BRWD3: variants seen among roughly 807,000 people sequenced by gnomAD.
BRWD3 encodes bromodomain and WD repeat-containing protein 3.
BRWD3 carries 10 observed loss-of-function variants against 149.7 expected under a neutral mutation model. The observed-to-expected ratio is 0.07, with a 90% CI of 0.04 to 0.11. The LOEUF is 0.11. BRWD3 is among the 10% of genes least tolerant of loss of function. The probability of loss-of-function intolerance (pLI) is 1.00; values close to 1 mark genes in which losing one functional copy is unlikely to be tolerated. For synonymous variants in BRWD3, 504 were observed against 456.7 expected (o/e 1.10, Z -1.32); for missense variants, 940 against 1,373.2 (o/e 0.68, Z 4.99).
rs538944749 is a variant in BRWD3, at chrX:80,757,075, G to A, written c.431-11346C>T. 4.5e-4 allele frequency among the ~76,000 whole-genome samples: 50 copies of A among 111,655 alleles called. 1 individual carries two copies. The South Asian group carries it at 0.018, about 40-fold the overall frequency. ...CCTAGCCTGATGTATTCACTATAAT[G>A]GCATCATTACATTCTCACTGTTAAA... On this transcript the variant is annotated intron_variant, in intron 6 of 40. Transcript: ENST00000373275.
At chrX:80,771,745 A>T (rs1053340084) in intron 6 of BRWD3, among the ~76,000 whole-genome samples, 6 of 111,962 alleles carry the variant, frequency 5.4e-5, no homozygotes, top group African/African-American at 9.7e-5. Flanking sequence ...ATCCAGAATC[A>T]ACAAAGAACT....
intron 6 of BRWD3, among the ~76,000 whole-genome samples, chrX:80,758,914 G>C (rs774763415): frequency 8.9e-6 from 1 of 112,047 alleles, no homozygotes; most frequent in African/African-American, 3.2e-5. Context: ...ACTCACAGCT[G>C]TAATTTATAG....
At chrX:80,795,555 G>A (rs2074230386) in intron 4 of BRWD3, among the ~76,000 whole-genome samples, 1 of 108,261 alleles carries the variant, frequency 9.2e-6, no homozygotes, top group Non-Finnish European at 1.9e-5. Context: ...CATTGAATAG[G>A]ACACACATCA....
intron 6 of BRWD3, among the ~76,000 whole-genome samples, chrX:80,750,238 T>C (rs1271786947): frequency 9.0e-6 from 1 of 110,867 alleles, no homozygotes. Flanking sequence ...AATAGACAAA[T>C]GGGATAGTAT....
Position 80,690,125 on chromosome X carries a change from C to T in BRWD3, c.3603-33G>A, listed in dbSNP as rs768864680. The T allele has an allele frequency of 5.1e-6, 6 of 1,182,597 alleles. No individual in the cohort carries two copies. In the Admixed American group the frequency reaches 1.3e-4, roughly 26 times the overall value. On this transcript the variant is annotated intron_variant, in intron 31 of 40. Coordinates refer to ENST00000373275, the MANE Select transcript of BRWD3 (RefSeq NM_153252.5). ...AGAAAAAATACTCTGTTAGCCTTGG[C>T]TAATATATTTAAAGTATATTTTAGG... is the stretch of plus-strand genomic sequence containing the variant.
chrX:80,779,598 C>T (rs767274392), intron 6 of BRWD3, among the ~76,000 whole-genome samples: 1 of 111,180 alleles, frequency 9.0e-6, no homozygotes, highest in South Asian at 3.8e-4. Flanking sequence ...GCCTGTAGTC[C>T]CAGCTAGTTT....
intron 20 of BRWD3, chrX:80,710,361 A>G (rs1392305893): frequency 1.2e-5 from 4 of 337,435 alleles, no homozygotes; most frequent in Non-Finnish European, 2.2e-5. Context: ...AAACCTGGTC[A>G]TCTGCTGACT....
intron 18 of BRWD3, 91 bp downstream of exon 18, chrX:80,719,398 A>G: frequency 1.1e-6 from 1 of 873,473 alleles, no homozygotes; most frequent in East Asian, 3.4e-5. Flanking sequence ...TTTTATTTAT[A>G]AACGTAAAAT....
chrX:80,725,956 A>G (rs1235603974), intron 14 of BRWD3, among the ~76,000 whole-genome samples: 1 of 109,791 alleles, frequency 9.1e-6, no homozygotes, highest in Non-Finnish European at 1.9e-5. Flanking sequence ...ATGTCTATAT[A>G]ACACATAACA....
intron 6 of BRWD3, among the ~76,000 whole-genome samples, chrX:80,770,217 T>C (rs779489497): frequency 8.1e-5 from 9 of 111,132 alleles, no homozygotes; most frequent in South Asian, 7.6e-4. Flanking sequence ...GTCCAATCAA[T>C]AGAAAAAGAG....
At chrX:80,796,537 T>C (rs2074241596) in intron 4 of BRWD3, among the ~76,000 whole-genome samples, 1 of 111,933 alleles carries the variant, frequency 8.9e-6, no homozygotes, top group Non-Finnish European at 1.9e-5. Context: ...CAGTCCAACA[T>C]GTATTCAGAA....
At position 80,758,195 on chromosome X, in the gene BRWD3, A is replaced by G. The variant is rs765939864; in HGVS notation, c.431-12466T>C. On this transcript the variant is annotated intron_variant, in intron 6 of 40. Coordinates refer to ENST00000373275, the MANE Select transcript of BRWD3 (RefSeq NM_153252.5). ...GTCAGGGCAACAAGAGCGAAACTCC[A>G]TCTCAAAAAAAATAAAAAATAAAAA... Among the ~76,000 whole-genome samples, 13 of 110,973 alleles carry G rather than the reference A, an allele frequency of 1.2e-4. No homozygotes were observed. In the South Asian group the frequency reaches 4.9e-3, roughly 42 times the overall value.
At chrX:80,728,988 C>A (rs1452332816) in intron 13 of BRWD3, 83 bp from the exon 14 acceptor site, 13 of 839,423 alleles carry the variant, frequency 1.5e-5, no homozygotes, top group Non-Finnish European at 2.1e-5. Flanking sequence ...GACAAAATTT[C>A]TCCAGGAGTA....
At chrX:80,756,348 A>G (rs1435874090) in intron 6 of BRWD3, among the ~76,000 whole-genome samples, 1 of 108,757 alleles carries the variant, frequency 9.2e-6, no homozygotes, top group Non-Finnish European at 1.9e-5. Flanking sequence ...CTAAAAATAC[A>G]AAAATTAGCT....
rs762787889 is a variant in BRWD3, at chrX:80,711,999, A to G, written c.2326-2422T>C. On this transcript the variant is annotated intron_variant, in intron 20 of 40. Coordinates refer to ENST00000373275, the MANE Select transcript of BRWD3 (RefSeq NM_153252.5). Reference sequence around the variant, plus strand: ...TATGGCTCAGAATAAATCTCTTCAAATATTTTATAGAGTTTGACTCTTTCA... The same window carrying G: ...TATGGCTCAGAATAAATCTCTTCAAGTATTTTATAGAGTTTGACTCTTTCA... Among the ~76,000 whole-genome samples the G allele has an allele frequency of 4.5e-5, 5 of 112,015 alleles. No individual in the cohort carries two copies. In the East Asian group the frequency reaches 1.4e-3, roughly 31 times the overall value.
intron 6 of BRWD3, 88 bp downstream of exon 6, chrX:80,791,766 T>G (rs2074184526): frequency 5.9e-6 from 4 of 673,610 alleles, no homozygotes; most frequent in Non-Finnish European, 9.4e-6. Context: ...GCTTCCAATT[T>G]AATTTTGGTA....
At chrX:80,799,525 CTGAT>C (rs1399769820) in intron 4 of BRWD3, among the ~76,000 whole-genome samples, 1 of 111,846 alleles carries the variant, frequency 8.9e-6, no homozygotes, top group Non-Finnish European at 1.9e-5. Flanking sequence ...TTGCCTGGGT[CTGAT>C]TGGTTGATTG....
chrX:80,714,253 G>A (rs1227596774), intron 20 of BRWD3, among the ~76,000 whole-genome samples: 1 of 78,770 alleles, frequency 1.3e-5, no homozygotes, highest in Admixed American at 1.6e-4. Flanking sequence ...TTGAGACGGA[G>A]TTTCACTCTA....
rs1221715977 is a variant in BRWD3 at position 80,680,375 on chromosome X, T to C, written c.4654+966A>G. Among the ~76,000 whole-genome samples, 7 of 112,081 alleles carry C rather than the reference T, an allele frequency of 6.2e-5. No homozygotes were observed. In the Admixed American group the frequency reaches 6.6e-4, roughly 11 times the overall value. On this transcript the variant is annotated intron_variant, in intron 40 of 40. Transcript: ENST00000373275. Reference sequence around the variant, plus strand: ...AGTGTTTCTTTTTAAGCAGTGAACATTTTTCTCCTAATAAAAAGTAAAATA... The same window carrying C: ...AGTGTTTCTTTTTAAGCAGTGAACACTTTTCTCCTAATAAAAAGTAAAATA...
Sources: allele counts gnomAD v4.1 joint callset (sites outside exome capture counted in the v4.1 genomes callset), GRCh38; gene constraint gnomAD v4.1.1; transcripts MANE v1.5; gene names NCBI Gene and HGNC (gene_info 2026-07-23, HGNC 2026-07-21).